ATP6V0D1: variants seen among roughly 807,000 people sequenced by gnomAD.
The protein encoded by ATP6V0D1 is V-type proton ATPase subunit d 1.
Under a neutral mutation model 39.0 loss-of-function variants are expected in ATP6V0D1, and 13 were observed. The observed-to-expected ratio is 0.33, with a 90% confidence interval of 0.22 to 0.53. The LOEUF is 0.53. Among genes scored for constraint, ATP6V0D1 ranks in the 20% least tolerant of loss-of-function variants. The pLI is 0.94. For synonymous variants in ATP6V0D1, 191 were observed against 191.2 expected, an observed-to-expected ratio of 1.00 and a Z score of 0.01; for missense variants, 272 against 470.9, an observed-to-expected ratio of 0.58 and a Z score of 3.91.
intron 1 of ATP6V0D1, among the ~76,000 whole-genome samples, chr16:67,467,323 C>G (rs535925729): frequency 2.4e-4 from 37 of 152,174 alleles, no homozygotes; most frequent in Admixed American, 3.9e-4. Context: ...TGGCCAACAT[C>G]GTGAAACCCC....
At chr16:67,452,070 T>G (rs568754483) in intron 2 of ATP6V0D1, among the ~76,000 whole-genome samples, 1 of 152,350 alleles carries the variant, frequency 6.6e-6, no homozygotes, top group South Asian at 2.1e-4. Context: ...TAGCAATAAA[T>G]GTACTGCTTC....
intron 1 of ATP6V0D1, among the ~76,000 whole-genome samples, chr16:67,476,299 A>AAG (rs35968861): frequency 0.017 from 2,520 of 152,308 alleles, 73 homozygotes; most frequent in African/African-American, 0.056. Context: ...AAGACTTGGC[A>AAG]GTCAACTGAA....
intron 1 of ATP6V0D1, among the ~76,000 whole-genome samples, chr16:67,461,673 A>C (rs541837861): frequency 1.3e-5 from 2 of 152,346 alleles, no homozygotes. Flanking sequence ...CCCTGGACCT[A>C]CATTTTGTTT....
intron 4 of ATP6V0D1, chr16:67,441,881 G>C (rs544632946): frequency 1.3e-5 from 2 of 152,360 alleles, no homozygotes; most frequent in Non-Finnish European, 2.9e-5. Flanking sequence ...GCTAGAAGGG[G>C]CTTTCTGAGA....
chr16:67,445,643 C>A (rs1289188652), intron 2 of ATP6V0D1, among the ~76,000 whole-genome samples: 1 of 152,216 alleles, frequency 6.6e-6, no homozygotes, highest in East Asian at 1.9e-4. Flanking sequence ...CAGGCCGAGG[C>A]TCCCATCACT....
At chr16:67,458,152 T>G (rs913770814) in intron 1 of ATP6V0D1, among the ~76,000 whole-genome samples, 3 of 152,178 alleles carry the variant, frequency 2.0e-5, no homozygotes. Flanking sequence ...TGGAGAAACC[T>G]GGCTCCCAGA....
intron 2 of ATP6V0D1, among the ~76,000 whole-genome samples, chr16:67,448,988 C>T (rs530712119): frequency 6.6e-6 from 1 of 152,354 alleles, no homozygotes; most frequent in African/African-American, 2.4e-5. Context: ...GAGTGGGGGC[C>T]AGAGGAACCT....
intron 1 of ATP6V0D1, among the ~76,000 whole-genome samples, chr16:67,471,760 C>A (rs1288870604): frequency 6.6e-6 from 1 of 151,914 alleles, no homozygotes; most frequent in East Asian, 1.9e-4. Flanking sequence ...CAGCCTCAAC[C>A]TCCCAGGCCC....
Position 67,447,435 on chromosome 16 carries a change from C to T in ATP6V0D1, c.303-2729G>A, listed in dbSNP as rs899131254. Among the ~76,000 whole-genome samples, 3 of 152,348 alleles carry T rather than the reference C, an allele frequency of 2.0e-5. No individual in the cohort carries two copies. The highest frequency in any genetic ancestry group is 7.2e-5 in the African/African-American group (3 of 41,584). On this transcript the variant is annotated intron_variant, in intron 2 of 7. Transcript: ENST00000290949. The surrounding 1 kb of genome is among the most constrained non-coding windows in gnomAD (Gnocchi z 4.1). ...GGCAGGCAGGGAAATCCTCCTCTTC[C>T]TCCTTGCCTGGCTTCAGCAGCTGCC...
chr16:67,474,879 TAC>T (rs1243895037), intron 1 of ATP6V0D1, among the ~76,000 whole-genome samples: 1 of 152,222 alleles, frequency 6.6e-6, no homozygotes, highest in African/African-American at 2.4e-5. Flanking sequence ...TTTTGCCACC[TAC>T]ACAGTTGCCT....
In ATP6V0D1 at chr16:67,453,445, G is replaced by A; in HGVS notation, c.302+99C>T. On this transcript the variant is annotated intron_variant, in intron 2 of 7. Coordinates refer to ENST00000290949, the MANE Select transcript of ATP6V0D1 (RefSeq NM_004691.5). This position sits in a 1 kb window ranked among gnomAD's most constrained non-coding sequence, Gnocchi z 4.1. ...GCCATCAGCTCTGACAGCTGACACA[G>A]GCACGAAGGCAGCTAGCCTAAGCCA... is the stretch of plus-strand genomic sequence containing the variant. 2 of 1,424,562 alleles carry A rather than the reference G, an allele frequency of 1.4e-6. No homozygotes were observed. The highest frequency in any genetic ancestry group is 9.7e-7 in the Non-Finnish European group (1 of 1,034,176). The allele number at this position is 1,424,562 out of a possible 1,614,324, so 88.2% of individuals were successfully genotyped here.
Position 67,447,339 on chromosome 16 carries a change from A to G in ATP6V0D1, c.303-2633T>C, listed in dbSNP as rs1303864867. The stretch of plus-strand genomic sequence containing the variant: ...GCAGAATCCTCTTTTTCAGGAGATG[A>G]GAGGCTGGACAGGCCTGGCAGAGAT... On this transcript the variant is annotated intron_variant, in intron 2 of 7. Transcript: ENST00000290949. This position sits in a 1 kb window ranked among gnomAD's most constrained non-coding sequence, Gnocchi z 4.1. 1.3e-5 allele frequency among the ~76,000 whole-genome samples: 2 copies of G among 152,216 alleles called. No individual in the cohort carries two copies. Among genetic ancestry groups the G allele is most frequent in the African/African-American group, 4.8e-5 (2 of 41,452 alleles).
intron 4 of ATP6V0D1, chr16:67,441,579 T>A (rs2041052550): frequency 6.6e-6 from 1 of 152,302 alleles, no homozygotes; most frequent in African/African-American, 2.4e-5. Flanking sequence ...AACACACACG[T>A]GTGTATGCTC....
chr16:67,462,373 C>T (rs576462332), intron 1 of ATP6V0D1, among the ~76,000 whole-genome samples: 8 of 152,350 alleles, frequency 5.3e-5, no homozygotes, highest in Admixed American at 2.0e-4. Flanking sequence ...GTTATAGAAC[C>T]GGCAGGTTGG....
intron 1 of ATP6V0D1, among the ~76,000 whole-genome samples, chr16:67,462,578 G>A (rs994826677): frequency 3.9e-5 from 6 of 152,178 alleles, no homozygotes; most frequent in South Asian, 2.1e-4. Context: ...TAATCCCAGC[G>A]TTTTGGGAGA....
In ATP6V0D1 at chr16:67,444,743, G is replaced by T. The variant is rs774702108; in HGVS notation, c.303-37C>A. ...AGGCAATAGCAAGGAGCCCATCAAGGTGGGGGCCGGGAAGTCCTGGCATAG... is the reference window on the plus strand; with the variant it reads ...AGGCAATAGCAAGGAGCCCATCAAGTTGGGGGCCGGGAAGTCCTGGCATAG... On this transcript the variant is annotated intron_variant, in intron 2 of 7. Transcript: ENST00000290949. The surrounding 1 kb of genome is among the most constrained non-coding windows in gnomAD (Gnocchi z 4.8). 2.0e-6 allele frequency: 3 copies of T among 1,536,760 alleles called. No individual in the cohort carries two copies. Among genetic ancestry groups the T allele is most frequent in the Non-Finnish European group, 2.6e-6 (3 of 1,138,034 alleles).
rs1436988986 is a variant in ATP6V0D1, at chr16:67,467,149, G to C, written c.131-13434C>G. ...ATGATATGGTGCATCCCTGGGGTTG[G>C]GGGGTGGGAGACTTGGCTTTTCCTC... On this transcript the variant is annotated intron_variant, in intron 1 of 7. Transcript: ENST00000290949. Among the ~76,000 whole-genome samples, 10 of 152,270 alleles carry C rather than the reference G, an allele frequency of 6.6e-5. 1 individual carries two copies. In the East Asian group the frequency reaches 1.9e-3, roughly 29 times the overall value.
intron 1 of ATP6V0D1, among the ~76,000 whole-genome samples, chr16:67,465,276 G>T (rs1321079292): frequency 6.6e-6 from 1 of 152,170 alleles, no homozygotes; most frequent in African/African-American, 2.4e-5. Context: ...GTGCTTACAT[G>T]GTGTTCAGGT....
At chr16:67,442,656 G>T (rs1192469504) in intron 4 of ATP6V0D1, among the ~76,000 whole-genome samples, 3 of 151,978 alleles carry the variant, frequency 2.0e-5, no homozygotes, top group African/African-American at 7.3e-5. Flanking sequence ...ACCTACGAGG[G>T]ACATGAGGAC....
Sources: gnomAD v4.1 joint callset for allele counts (sites outside exome capture counted in the v4.1 genomes callset) on GRCh38, gnomAD v4.1.1 for gene constraint, Gnocchi (gnomAD v3.1) non-coding constraint, MANE v1.5 for transcripts, NCBI Gene and HGNC (gene_info 2026-07-23, HGNC 2026-07-21) for gene names.